The following BCAS4 variants were observed in gnomAD, a reference collection of about 807,000 sequenced individuals.
The protein encoded by BCAS4 is breast carcinoma-amplified sequence 4.
A neutral mutation model predicts 15.7 loss-of-function variants in BCAS4; 9 were observed. The ratio of observed to expected loss-of-function variants is 0.57; its 90% CI spans 0.34 to 1.00. The LOEUF is 1.00. BCAS4 is among the 50% of genes least tolerant of loss of function. The probability of loss-of-function intolerance (pLI) is 0.02; values close to 1 mark genes in which losing one functional copy is unlikely to be tolerated. For synonymous variants in BCAS4, 101 were observed against 99.5 expected (o/e 1.02, Z -0.09); for missense variants, 225 against 239.1 (o/e 0.94, Z 0.39).
chr20:50,835,945 T>C (rs1240299779), intron 3 of BCAS4, among the ~76,000 whole-genome samples: 2 of 150,788 alleles, frequency 1.3e-5, no homozygotes, highest in Non-Finnish European at 3.0e-5. Context: ...GGAGACAGAG[T>C]ATCGCTCTGT....
At chr20:50,800,523 A>G (rs1472890317) in intron 1 of BCAS4, among the ~76,000 whole-genome samples, 5 of 144,656 alleles carry the variant, frequency 3.5e-5, no homozygotes, top group African/African-American at 1.3e-4. Context: ...CTGTTCAACT[A>G]GTTCCCTGCC....
At chr20:50,842,848 G>A (rs750639516) in intron 4 of BCAS4, among the ~76,000 whole-genome samples, 8 of 152,206 alleles carry the variant, frequency 5.3e-5, no homozygotes, top group Admixed American at 2.6e-4. Context: ...GTCACCTAGC[G>A]GGGCCTCTTG....
chr20:50,861,745 C>T (rs531719255), intron 4 of BCAS4, among the ~76,000 whole-genome samples: 1 of 152,252 alleles, frequency 6.6e-6, no homozygotes, highest in African/African-American at 2.4e-5. Flanking sequence ...GCTTCCCTCC[C>T]CCTATGTGGC....
chr20:50,828,211 G>T (rs377650244), intron 2 of BCAS4, among the ~76,000 whole-genome samples: 1 of 151,866 alleles, frequency 6.6e-6, no homozygotes, highest in African/African-American at 2.4e-5. Context: ...CGTGAAAAAC[G>T]AGTATCCCTG....
chr20:50,820,025 A>G (rs992059061), intron 2 of BCAS4, among the ~76,000 whole-genome samples: 3 of 151,040 alleles, frequency 2.0e-5, no homozygotes, highest in Non-Finnish European at 4.4e-5. Flanking sequence ...TAATTTTTGT[A>G]TTTTTAGTAG....
At chr20:50,829,588 A>G (rs1384034936) in intron 2 of BCAS4, among the ~76,000 whole-genome samples, 1 of 152,066 alleles carries the variant, frequency 6.6e-6, no homozygotes, top group African/African-American at 2.4e-5. Context: ...TTTTTTGCAC[A>G]GCGAGGATAT....
At chr20:50,814,087 G>A (rs1370836169) in intron 1 of BCAS4, among the ~76,000 whole-genome samples, 1 of 152,156 alleles carries the variant, frequency 6.6e-6, no homozygotes, top group Non-Finnish European at 1.5e-5. Context: ...TTGTGGGCAT[G>A]GTGGGCTGGC....
chr20:50,822,004 C>T (rs1392539134), intron 2 of BCAS4, among the ~76,000 whole-genome samples: 4 of 152,158 alleles, frequency 2.6e-5, no homozygotes, highest in African/African-American at 7.2e-5. Context: ...TGTCAAACTA[C>T]CCGAAAATTT....
chr20:50,848,506 G>A (rs2088574444), intron 4 of BCAS4, among the ~76,000 whole-genome samples: 1 of 152,232 alleles, frequency 6.6e-6, no homozygotes, highest in African/African-American at 2.4e-5. Context: ...TGGAGAGAGA[G>A]AAGGTCTGGG....
chr20:50,877,539 C>T (rs911961908), downstream of BCAS4: 5 of 152,254 alleles, frequency 3.3e-5, no homozygotes, highest in African/African-American at 1.2e-4. Flanking sequence ...ACATACAGGA[C>T]TGAACTGTAA....
chr20:50,842,071 G>A (rs1419524471), intron 4 of BCAS4, among the ~76,000 whole-genome samples, 171 bp downstream of exon 4: 1 of 152,206 alleles, frequency 6.6e-6, no homozygotes, highest in African/African-American at 2.4e-5. Flanking sequence ...TGTCCCCTGT[G>A]AGCCCTGGGC....
At chr20:50,855,173 C>T (rs13042187) in intron 4 of BCAS4, among the ~76,000 whole-genome samples, 1 of 152,186 alleles carries the variant, frequency 6.6e-6, no homozygotes, top group Non-Finnish European at 1.5e-5. Context: ...GGCAAGGCCC[C>T]ACCCTCACCC....
chr20:50,854,759 A>G (rs1002296988), intron 4 of BCAS4, among the ~76,000 whole-genome samples: 2 of 147,462 alleles, frequency 1.4e-5, no homozygotes, highest in Non-Finnish European at 3.0e-5. Flanking sequence ...ATTGTTCCAA[A>G]CCCCCCCCAC....
At chr20:50,863,455 G>T (rs977854954) in intron 4 of BCAS4, among the ~76,000 whole-genome samples, 3 of 147,022 alleles carry the variant, frequency 2.0e-5, no homozygotes, top group Non-Finnish European at 3.0e-5. Flanking sequence ...ATGGGGTTTC[G>T]CCATGTTGGC....
At chr20:50,824,295 C>T (rs553713425) in intron 2 of BCAS4, among the ~76,000 whole-genome samples, 3 of 152,310 alleles carry the variant, frequency 2.0e-5, no homozygotes, top group African/African-American at 4.8e-5. Flanking sequence ...TTGCATTTGG[C>T]GTGGGTGCAT....
At chr20:50,816,965 C>T (rs905441387) in intron 1 of BCAS4, among the ~76,000 whole-genome samples, 1 of 151,782 alleles carries the variant, frequency 6.6e-6, no homozygotes, top group African/African-American at 2.4e-5. Flanking sequence ...CCACCACACC[C>T]GGCTAATTTT....
At chr20:50,811,194 A>T (rs1325224399) in intron 1 of BCAS4, among the ~76,000 whole-genome samples, 1 of 151,924 alleles carries the variant, frequency 6.6e-6, no homozygotes, top group Non-Finnish European at 1.5e-5. Context: ...CAGGTAGAAG[A>T]TGAGGGAGGA....
At chr20:50,863,403 G>A (rs897025969) in intron 4 of BCAS4, among the ~76,000 whole-genome samples, 4 of 151,608 alleles carry the variant, frequency 2.6e-5, no homozygotes, top group African/African-American at 7.3e-5. Context: ...GATTACAGGT[G>A]CGTGCCACTA....
intron 1 of BCAS4, among the ~76,000 whole-genome samples, chr20:50,808,564 G>A (rs750105119): frequency 2.6e-5 from 4 of 152,166 alleles, no homozygotes; most frequent in Non-Finnish European, 5.9e-5. Context: ...CAGGAGTAAG[G>A]TGGTATCGCA....
Sources: gnomAD v4.1 joint callset for allele counts (sites outside exome capture counted in the v4.1 genomes callset) on GRCh38, gnomAD v4.1.1 for gene constraint, MANE v1.5 for transcripts, NCBI Gene and HGNC (gene_info 2026-07-23, HGNC 2026-07-21) for gene names.